The following GRIK4 variants were observed in gnomAD, a reference collection of about 807,000 sequenced individuals.
GRIK4 encodes glutamate ionotropic receptor kainate type subunit 4.
A neutral mutation model predicts 104.9 loss-of-function variants in GRIK4; 40 were observed. The ratio of observed to expected loss-of-function variants is 0.38; its 90% CI spans 0.30 to 0.50. GRIK4 has a LOEUF of 0.50. Ranked by LOEUF, GRIK4 falls within the 20% of genes least tolerant of loss-of-function variation. The pLI is 0.93. For synonymous variants in GRIK4, 485 were observed against 524.9 expected, an observed-to-expected ratio of 0.92 and a Z score of 1.04; for missense variants, 1,047 against 1,308.1, an observed-to-expected ratio of 0.80 and a Z score of 3.08.
At chr11:120,962,797 C>CA in intron 18 of GRIK4, 116 bp downstream of exon 18, 1 of 647,042 alleles carries the variant, frequency 1.5e-6, no homozygotes, top group East Asian at 2.7e-5. Context: ...ACCAGTTTAA[C>CA]AGTGACTTTA....
intron 3 of GRIK4, among the ~76,000 whole-genome samples, chr11:120,711,106 G>A (rs1950727959): frequency 6.6e-6 from 1 of 152,132 alleles, no homozygotes; most frequent in South Asian, 2.1e-4. Flanking sequence ...CTCCAAGTCA[G>A]TGTCTCTGAT....
chr11:120,980,089 G>A (rs184447761), intron 19 of GRIK4, among the ~76,000 whole-genome samples: 1 of 152,250 alleles, frequency 6.6e-6, no homozygotes, highest in Admixed American at 6.5e-5. Context: ...GCCTGCCTTG[G>A]CCTCCCAAAG....
intron 9 of GRIK4, among the ~76,000 whole-genome samples, chr11:120,865,069 A>G (rs1238801205): frequency 6.6e-6 from 1 of 152,276 alleles, no homozygotes; most frequent in East Asian, 1.9e-4. Flanking sequence ...CTAAGTTAAT[A>G]TAACAACCTA....
chr11:120,590,711 C>T (rs1948722877), intron 1 of GRIK4, among the ~76,000 whole-genome samples: 1 of 152,150 alleles, frequency 6.6e-6, no homozygotes. Flanking sequence ...ATTTTAGGCC[C>T]CTCAGAAGCA....
Position 120,953,759 on chromosome 11 carries a change from A to C in GRIK4, c.1700+795A>C, listed in dbSNP as rs1205641381. 6.6e-6 allele frequency among the ~76,000 whole-genome samples: 1 copy of C among 152,200 alleles called. No homozygotes were observed. The highest frequency in any genetic ancestry group is 1.5e-5 in the Non-Finnish European group (1 of 68,024). On this transcript the variant is annotated intron_variant, in intron 15 of 20. Coordinates refer to ENST00000527524, the MANE Select transcript of GRIK4 (RefSeq NM_014619.5). This position sits in a 1 kb window ranked among gnomAD's most constrained non-coding sequence, Gnocchi z 4.9. ...CGCTCCAGGCCAAGGCTGTTGGGCC[A>C]GCCTGAGCTGCAGGAGAGCCAGCTT...
chr11:120,683,870 G>A (rs1360671597), intron 3 of GRIK4, among the ~76,000 whole-genome samples: 3 of 152,232 alleles, frequency 2.0e-5, no homozygotes, highest in African/African-American at 7.2e-5. Context: ...TTTAGATAAA[G>A]TCAGCACAAG....
At chr11:120,683,666 T>G (rs111463966) in intron 3 of GRIK4, among the ~76,000 whole-genome samples, 2,564 of 152,188 alleles carry the variant, frequency 0.017, 44 homozygotes, top group Non-Finnish European at 0.026. Context: ...AAAGAAAGAT[T>G]TGCAAAATAG....
At chr11:120,680,362 C>T (rs896729269) in intron 3 of GRIK4, among the ~76,000 whole-genome samples, 1 of 151,890 alleles carries the variant, frequency 6.6e-6, no homozygotes, top group Non-Finnish European at 1.5e-5. Flanking sequence ...GTATTACAGA[C>T]GTGAGCCACT....
chr11:120,602,029 T>C (rs1158430104), intron 1 of GRIK4, among the ~76,000 whole-genome samples: 2 of 152,104 alleles, frequency 1.3e-5, no homozygotes, highest in African/African-American at 4.8e-5. Context: ...TGATCCTCTC[T>C]CTTTGATTTT....
chr11:120,898,825 G>C (rs1942655552), intron 12 of GRIK4, among the ~76,000 whole-genome samples, 186 bp downstream of exon 12: 1 of 152,196 alleles, frequency 6.6e-6, no homozygotes, highest in Non-Finnish European at 1.5e-5. Context: ...GAGTTCCAGA[G>C]CAGGTGGGGG....
rs1205285819 is a variant in GRIK4, at chr11:120,928,988, T to TGTGTGCGC, written c.1477-11358_1477-11357insTGTGCGCG. Reference sequence around the variant, plus strand: ...GTGTGTGTGTGTGTGTGTGTGTGTGTGCGCGCGTGCACGCGTGTATGTGTG... The same window carrying TGTGTGCGC: ...GTGTGTGTGTGTGTGTGTGTGTGTGTGTGTGCGCGCGCGCGTGCACGCGTGTATGTGTG... On this transcript the variant is annotated intron_variant, in intron 13 of 20. Transcript: ENST00000527524. Among the ~76,000 whole-genome samples, 392 of 118,582 alleles carry TGTGTGCGC rather than the reference T, an allele frequency of 3.3e-3. 4 individuals carry two copies. The highest frequency in any genetic ancestry group is 9.5e-3 in the African/African-American group (354 of 37,212). 77.8% of individuals were successfully genotyped at this position (118,582 alleles called of 152,430 possible). A position where few individuals can be genotyped will look rare whatever the true frequency, so the allele number is the denominator to read the frequency against.
At chr11:120,577,917 A>G (rs921219212) in intron 1 of GRIK4, among the ~76,000 whole-genome samples, 3 of 152,300 alleles carry the variant, frequency 2.0e-5, no homozygotes, top group Admixed American at 1.3e-4. Context: ...CCAGGACCAT[A>G]GCCACAGCCC....
chr11:120,965,471 C>A (rs144126418), intron 18 of GRIK4, among the ~76,000 whole-genome samples: 1 of 152,178 alleles, frequency 6.6e-6, no homozygotes, highest in Non-Finnish European at 1.5e-5. Context: ...CACTTGCACA[C>A]GTTCAGTGCT....
chr11:120,769,814 T>G (rs928318087), intron 3 of GRIK4, among the ~76,000 whole-genome samples: 1 of 152,190 alleles, frequency 6.6e-6, no homozygotes, highest in Admixed American at 6.5e-5. Context: ...CTGCAAGAAG[T>G]GTAGTTTAGC....
In GRIK4 at chr11:120,570,415, T is replaced by C. The variant is rs1948382647; in HGVS notation, c.-159+58528T>C. Among the ~76,000 whole-genome samples, 4 of 152,238 alleles carry C rather than the reference T, an allele frequency of 2.6e-5. No individual in the cohort carries two copies. In the South Asian group the frequency reaches 8.3e-4, roughly 32 times the overall value. On this transcript the variant is annotated intron_variant, in intron 1 of 20. Transcript: ENST00000527524. ...ATAGTTCTAAATATGTGTGCATTGC[T>C]ATATTTTAATGTATCGATTGCATAC...
In GRIK4 at chr11:120,956,883, G is replaced by A. The variant is rs781555240; in HGVS notation, c.1804G>A (p.Gly602Arg). The A allele has an allele frequency of 8.1e-6, 13 of 1,613,476 alleles. No homozygotes were observed. Among genetic ancestry groups the A allele is most frequent in the African/African-American group, 4.0e-5 (3 of 74,916 alleles). The part of the protein sequence containing the change: ...SLGNSLWFPV[G>R]GFMQQGSTIA... ...GGGCAACAGCCTCTGGTTTCCGGTC[G>A]GGGGGTTCATGCAGCAAGGCTCCAC... is the stretch of plus-strand genomic sequence containing the variant. The change falls in exon 16 of 21, where the codon GGG (glycine) becomes AGG (arginine). Residue 602 changes from glycine to arginine, a missense_variant. By Grantham distance (125) the Gly-to-Arg change is moderately radical (BLOSUM62 -2). Around this residue, in one of 3 missense-constraint regions of GRIK4, gnomAD observed 440 missense variants for 652.3 expected, o/e 0.67. Transcript: ENST00000527524. The surrounding 1 kb of genome is among the most constrained non-coding windows in gnomAD (Gnocchi z 4.6).
chr11:120,898,680 G>A, intron 12 of GRIK4, 41 bp downstream of exon 12: 1 of 1,160,088 alleles, frequency 8.6e-7, no homozygotes, highest in South Asian at 1.2e-5. Context: ...AGCATCCTGG[G>A]GTGCCTCCCC....
intron 1 of GRIK4, among the ~76,000 whole-genome samples, chr11:120,627,340 G>A (rs920081763): frequency 2.0e-5 from 3 of 152,172 alleles, no homozygotes; most frequent in East Asian, 1.9e-4. Flanking sequence ...GCCACACAGC[G>A]CAGTGCAAGG....
intron 16 of GRIK4, among the ~76,000 whole-genome samples, chr11:120,960,431 G>A (rs1470458990): frequency 2.6e-5 from 4 of 152,198 alleles, no homozygotes; most frequent in East Asian, 1.9e-4. Flanking sequence ...TTTTGCTTCC[G>A]TGAGCTCTAG....
Sources: allele counts gnomAD v4.1 joint callset (sites outside exome capture counted in the v4.1 genomes callset), GRCh38; gene constraint gnomAD v4.1.1; regional missense constraint gnomAD v4.1.1; non-coding constraint Gnocchi (gnomAD v3.1); transcripts MANE v1.5; gene names NCBI Gene and HGNC (gene_info 2026-07-23, HGNC 2026-07-21).